ENPP1: variants seen among roughly 807,000 people sequenced by gnomAD.
ENPP1 encodes ectonucleotide pyrophosphatase/phosphodiesterase 1.
ENPP1 carries 73 observed loss-of-function variants against 122.8 expected under a neutral mutation model. The ratio of observed to expected loss-of-function variants is 0.59; its 90% CI spans 0.49 to 0.72. The LOEUF (loss-of-function observed/expected upper bound fraction) is 0.72, where lower values mean the gene tolerates loss of function less well. Among genes scored for constraint, ENPP1 ranks in the 30% least tolerant of loss-of-function variants. ENPP1 has a pLI of 0.00. For synonymous variants in ENPP1, 367 were observed against 391.6 expected, an observed-to-expected ratio of 0.94 and a Z score of 0.74; for missense variants, 978 against 1,128.1, an observed-to-expected ratio of 0.87 and a Z score of 1.91.
At chr6:131,882,625 A>G (rs1782327152) in intron 21 of ENPP1, 151 bp downstream of exon 21, 1 of 175,234 alleles carries the variant, frequency 5.7e-6, no homozygotes, top group Admixed American at 7.1e-5. Context: ...TATATATAAT[A>G]TATATAAAGT....
At chr6:131,872,699 GT>G (rs1480717490) in intron 14 of ENPP1, among the ~76,000 whole-genome samples, 1 of 151,988 alleles carries the variant, frequency 6.6e-6, no homozygotes, top group Non-Finnish European at 1.5e-5. Flanking sequence ...CATTATATAA[GT>G]GGTTTATTTA....
At chr6:131,822,702 G>A (rs931689388) in intron 1 of ENPP1, among the ~76,000 whole-genome samples, 1 of 151,894 alleles carries the variant, frequency 6.6e-6, no homozygotes, top group African/African-American at 2.4e-5. Context: ...CTTTTCATAA[G>A]TAGGATTTTG....
At chr6:131,870,454 T>C (rs542953385) in intron 13 of ENPP1, among the ~76,000 whole-genome samples, 2 of 152,358 alleles carry the variant, frequency 1.3e-5, no homozygotes, top group South Asian at 2.1e-4. Flanking sequence ...TTGATTACCA[T>C]CCATGATAAC....
intron 22 of ENPP1, among the ~76,000 whole-genome samples, chr6:131,884,096 G>T (rs899591920): frequency 3.9e-5 from 6 of 152,062 alleles, no homozygotes; most frequent in Non-Finnish European, 7.4e-5. Flanking sequence ...GGAAGTTCTT[G>T]ATAATTGTCT....
At chr6:131,826,236 A>G in intron 1 of ENPP1, 2 of 956,844 alleles carry the variant, frequency 2.1e-6, no homozygotes, top group Non-Finnish European at 3.4e-6. Context: ...GAAACAGCCC[A>G]TCTGGTAGCA....
intron 6 of ENPP1, 38 bp from the exon 7 acceptor site, chr6:131,858,630 A>T (rs1781979291): frequency 7.5e-7 from 1 of 1,332,412 alleles, no homozygotes; most frequent in East Asian, 2.4e-5. Flanking sequence ...CAATTGTCAG[A>T]TGTATTTAAT....
intron 10 of ENPP1, 70 bp downstream of exon 10, chr6:131,864,641 C>T: frequency 8.9e-7 from 1 of 1,124,498 alleles, no homozygotes; most frequent in Non-Finnish European, 1.3e-6. Flanking sequence ...TTAAAATAGA[C>T]TACAACAAAA....
chr6:131,839,943 T>G (rs950719445), intron 1 of ENPP1, among the ~76,000 whole-genome samples: 1 of 152,200 alleles, frequency 6.6e-6, no homozygotes, highest in African/African-American at 2.4e-5. Flanking sequence ...ATGTCTATTT[T>G]TTCTTATACA....
chr6:131,869,982 A>G (rs1292463009), intron 13 of ENPP1, among the ~76,000 whole-genome samples: 1 of 151,906 alleles, frequency 6.6e-6, no homozygotes, highest in South Asian at 2.1e-4. Flanking sequence ...AATGGATTTT[A>G]TGGGACTGGA....
At chr6:131,890,276 G>A in intron 24 of ENPP1, 65 bp from the exon 25 acceptor site, 3 of 1,259,352 alleles carry the variant, frequency 2.4e-6, no homozygotes, top group South Asian at 2.4e-5. Flanking sequence ...GGGAGATGGA[G>A]CACTTATAGA....
chr6:131,837,724 C>T (rs568167935), intron 1 of ENPP1, among the ~76,000 whole-genome samples: 8 of 151,942 alleles, frequency 5.3e-5, no homozygotes, highest in Non-Finnish European at 1.2e-4. Context: ...ATAAATATTA[C>T]TATTCCCATA....
Position 131,850,092 on chromosome 6 carries a change from C to T in ENPP1, c.416C>T (p.Thr139Met), listed in dbSNP as rs765115472. The change falls in exon 3 of 25, where the codon ACG becomes ATG. Residue 139 changes from threonine (T) to methionine (M), a missense_variant. Thr to Met is a moderately conservative substitution (Grantham distance 81, BLOSUM62 -1). Transcript: ENST00000647893. ...AACTGCTGTTTAGATTACCAGGAGA[C>T]GTGCATAGAACCAGGTAAGGATGAG... Reference protein sequence around the residue: ...LGNCCLDYQETCIEPEHIWTC... With the variant: ...LGNCCLDYQEMCIEPEHIWTC... 6.8e-6 allele frequency: 11 copies of T among 1,607,062 alleles called. No homozygotes were observed. The East Asian group carries it at 8.9e-5, about 13-fold the overall frequency.
intron 2 of ENPP1, among the ~76,000 whole-genome samples, chr6:131,849,310 C>T (rs185378840): frequency 2.0e-5 from 3 of 151,784 alleles, no homozygotes; most frequent in South Asian, 2.1e-4. Context: ...AACCTAGTTA[C>T]GTGTGGAATT....
At position 131,851,247 on chromosome 6, in the gene ENPP1, A is replaced by G. The variant is rs2273411; in HGVS notation, c.536A>G (p.Asn179Ser). 1.1e-4 allele frequency: 179 copies of G among 1,614,156 alleles called. No individual in the cohort carries two copies. In the East Asian group the frequency reaches 4.0e-3, roughly 36 times the overall value. ...DCKDKGDCCI[N>S]YSSVCQGEKS... The stretch of plus-strand genomic sequence containing the variant: ...AAGGACAAGGGCGACTGCTGCATCA[A>G]CTACAGTTCTGTGTGTCAAGGTCAG... The change falls in exon 4 of 25, where the codon AAC becomes AGC. Residue 179 changes from asparagine (N) to serine (S), a missense_variant. By Grantham distance (46) the Asn-to-Ser change is conservative (BLOSUM62 1). This residue lies in a region of ENPP1 where 330 missense variants were observed against 328.5 expected (regional missense o/e 1.00). Transcript: ENST00000647893.
In ENPP1 at chr6:131,854,959, G is replaced by A. The variant is rs1781927033; in HGVS notation, c.651G>A (p.Leu217=). The part of the protein sequence containing the change: ...FETPPTLLFS[L]DGFRAEYLHT... ...CGCCTCCTACCCTCTTATTTTCTTTGGATGGATTCAGGGCAGAATATTTAC... is the reference window on the plus strand; with the variant it reads ...CGCCTCCTACCCTCTTATTTTCTTTAGATGGATTCAGGGCAGAATATTTAC... Residue 217 remains leucine, a synonymous_variant, in exon 6 of 25, where the codon TTG becomes TTA. Coordinates refer to ENST00000647893, the MANE Select transcript of ENPP1 (RefSeq NM_006208.3). The A allele has an allele frequency of 6.2e-7, 1 of 1,613,374 alleles. No individual in the cohort carries two copies. Among genetic ancestry groups the A allele is most frequent in the Non-Finnish European group, 8.5e-7 (1 of 1,179,664 alleles).
intron 1 of ENPP1, among the ~76,000 whole-genome samples, chr6:131,846,659 C>A (rs78786408): frequency 1.3e-5 from 2 of 152,322 alleles, no homozygotes; most frequent in Non-Finnish European, 1.5e-5. Flanking sequence ...CTTCTCCTAC[C>A]CAAGTAGAAA....
chr6:131,826,876 A>G (rs1781552939), intron 1 of ENPP1: 1 of 370,808 alleles, frequency 2.7e-6, no homozygotes, highest in African/African-American at 2.1e-5. Flanking sequence ...CATAGGGGAA[A>G]GATAAGGTTC....
intron 1 of ENPP1, among the ~76,000 whole-genome samples, chr6:131,844,568 G>C (rs982294324): frequency 8.0e-5 from 12 of 149,494 alleles, no homozygotes. Flanking sequence ...TTGAAAAAGT[G>C]AATGAACTGA....
At chr6:131,836,087 A>G (rs1253380070) in intron 1 of ENPP1, among the ~76,000 whole-genome samples, 1 of 151,868 alleles carries the variant, frequency 6.6e-6, no homozygotes, top group Admixed American at 6.6e-5. Context: ...CAGAAAGCAC[A>G]AAAGATCCCC....
Sources: allele counts gnomAD v4.1 joint callset (sites outside exome capture counted in the v4.1 genomes callset), GRCh38; gene constraint gnomAD v4.1.1; regional missense constraint gnomAD v4.1.1; transcripts MANE v1.5; gene names NCBI Gene and HGNC (gene_info 2026-07-23, HGNC 2026-07-21).